Variants in CDH18 observed in about 807,000 individuals in gnomAD.
CDH18 encodes cadherin 18.
CDH18 carries 31 observed loss-of-function variants against 67.9 expected under a neutral mutation model. That is an observed-to-expected ratio of 0.46 (90% CI 0.34 to 0.62). CDH18 has a LOEUF of 0.62. CDH18 is among the 20% of genes least tolerant of loss of function. CDH18 has a pLI of 0.01. For missense variants in CDH18, 890 were observed against 975.5 expected (o/e 0.91, Z 1.17); for synonymous variants, 362 against 347.2 (o/e 1.04, Z -0.48).
intron 2 of CDH18, among the ~76,000 whole-genome samples, chr5:20,199,887 T>C (rs962628357): frequency 6.6e-6 from 1 of 152,176 alleles, no homozygotes; most frequent in Admixed American, 6.5e-5. Flanking sequence ...ATTCATTCTC[T>C]CTCCTGCTAC....
At chr5:19,726,392 G>A (rs1213367369) in intron 4 of CDH18, among the ~76,000 whole-genome samples, 1 of 152,172 alleles carries the variant, frequency 6.6e-6, no homozygotes, top group Non-Finnish European at 1.5e-5. Context: ...GAAGCAAAGA[G>A]CAACAAATCG....
intron 8 of CDH18, among the ~76,000 whole-genome samples, chr5:19,561,776 G>T (rs1739498806): frequency 6.6e-6 from 1 of 151,942 alleles, no homozygotes; most frequent in Admixed American, 6.6e-5. Flanking sequence ...ATGTGCTTTT[G>T]GACCATTCAG....
intron 1 of CDH18, among the ~76,000 whole-genome samples, chr5:20,562,172 A>G (rs2126649178): frequency 6.6e-6 from 1 of 152,040 alleles, no homozygotes; most frequent in South Asian, 2.1e-4. Flanking sequence ...TCCAAAGGGT[A>G]AGATAATTTA....
At chr5:20,078,891 C>G (rs1435721343) in intron 2 of CDH18, among the ~76,000 whole-genome samples, 1 of 152,192 alleles carries the variant, frequency 6.6e-6, no homozygotes, top group Non-Finnish European at 1.5e-5. Context: ...GCTGGGATTA[C>G]AGGCGTAAGC....
chr5:19,523,314 C>T (rs1747222894), intron 9 of CDH18, among the ~76,000 whole-genome samples: 1 of 151,930 alleles, frequency 6.6e-6, no homozygotes, highest in South Asian at 2.1e-4. Context: ...TTCACTAAAA[C>T]AAGAAGGAAG....
intron 2 of CDH18, among the ~76,000 whole-genome samples, chr5:20,163,298 T>C (rs1736038800): frequency 6.6e-6 from 1 of 152,112 alleles, no homozygotes; most frequent in South Asian, 2.1e-4. Context: ...CTTAGTATTA[T>C]CCAATATTAT....
chr5:20,164,160 T>C (rs563435129), intron 2 of CDH18, among the ~76,000 whole-genome samples: 50 of 152,334 alleles, frequency 3.3e-4, no homozygotes, highest in African/African-American at 8.4e-4. Context: ...TTGTTTATCA[T>C]ACAGAAACAT....
At chr5:20,253,681 C>T (rs1668849243) in intron 2 of CDH18, among the ~76,000 whole-genome samples, 1 of 152,140 alleles carries the variant, frequency 6.6e-6, no homozygotes, top group Non-Finnish European at 1.5e-5. Context: ...TTGGAATTAA[C>T]TCAGTCAGAC....
intron 5 of CDH18, among the ~76,000 whole-genome samples, chr5:19,707,004 G>C (rs1764051280): frequency 6.6e-6 from 1 of 152,208 alleles, no homozygotes; most frequent in Non-Finnish European, 1.5e-5. Context: ...TTGGTGGAGA[G>C]ATCCGATAAC....
intron 5 of CDH18, among the ~76,000 whole-genome samples, chr5:19,703,790 A>C (rs1177135859): frequency 6.6e-6 from 1 of 151,082 alleles, no homozygotes; most frequent in Non-Finnish European, 1.5e-5. Flanking sequence ...CTTTTAAAAT[A>C]CTTAAAGGAT....
chr5:20,197,752 G>A (rs909947728), intron 2 of CDH18, among the ~76,000 whole-genome samples: 10 of 152,108 alleles, frequency 6.6e-5, no homozygotes, highest in South Asian at 2.1e-4. Flanking sequence ...AAGTATAAAC[G>A]GGATAATAAC....
intron 2 of CDH18, among the ~76,000 whole-genome samples, chr5:19,929,198 G>T (rs1160876284): frequency 1.3e-5 from 2 of 152,050 alleles, no homozygotes; most frequent in Non-Finnish European, 2.9e-5. Context: ...CAATCTCATG[G>T]TTATGAGTCA....
intron 1 of CDH18, among the ~76,000 whole-genome samples, chr5:20,513,063 G>A (rs536298154): frequency 1.4e-4 from 22 of 152,040 alleles, no homozygotes; most frequent in East Asian, 1.9e-4. Context: ...TAATAATTTC[G>A]TACAGATTTC....
rs1554078420 is a variant in CDH18, at chr5:19,994,855, T to TAGAGAGAGAG, written c.-517-2851_-517-2842dup. ...ATATATATATATATATATATATATA[T>TAGAGAGAGAG]AGAGAGAGAGAGAGAGAGAGAGATG... is the stretch of plus-strand genomic sequence containing the variant. On this transcript the variant is annotated intron_variant, in intron 2 of 14. Transcript: ENST00000507958. Among the ~76,000 whole-genome samples, 207 of 67,582 alleles carry TAGAGAGAGAG rather than the reference T, an allele frequency of 3.1e-3. 33 individuals carry two copies. The highest frequency in any genetic ancestry group is 7.9e-3 in the African/African-American group (108 of 13,596). The allele number at this position is 67,582 out of a possible 152,430, so 44.3% of individuals were successfully genotyped here.
chr5:19,748,112 CAAA>C (rs766955714), intron 3 of CDH18, among the ~76,000 whole-genome samples: 1 of 14,858 alleles, frequency 6.7e-5, no homozygotes. Flanking sequence ...GACTCCATCT[CAAA>C]AAAAAAAAAA....
At chr5:19,660,993 T>C (rs61436480) in intron 5 of CDH18, among the ~76,000 whole-genome samples, 91,640 of 151,094 alleles carry the variant, frequency 0.61, 29,254 homozygotes, top group South Asian at 0.74. Context: ...AAAGAGAAAA[T>C]TGAGAATAAA....
chr5:20,565,600 T>C (rs1237266688), intron 1 of CDH18, among the ~76,000 whole-genome samples: 1 of 151,982 alleles, frequency 6.6e-6, no homozygotes. Context: ...GGTACTCTCA[T>C]CTTTACTTAT....
intron 2 of CDH18, among the ~76,000 whole-genome samples, chr5:20,225,900 T>C (rs1741588021): frequency 6.6e-6 from 1 of 151,996 alleles, no homozygotes; most frequent in South Asian, 2.1e-4. Flanking sequence ...TAATAATGAA[T>C]GTTCTAATTG....
chr5:20,451,946 C>G (rs943236685), intron 1 of CDH18, among the ~76,000 whole-genome samples: 2 of 152,106 alleles, frequency 1.3e-5, no homozygotes, highest in Admixed American at 6.5e-5. Flanking sequence ...AAGAGCTACT[C>G]GTCTTCCCAT....
Sources: gnomAD v4.1 joint callset for allele counts (sites outside exome capture counted in the v4.1 genomes callset) on GRCh38, gnomAD v4.1.1 for gene constraint, MANE v1.5 for transcripts, NCBI Gene and HGNC (gene_info 2026-07-23, HGNC 2026-07-21) for gene names.